Variants in PARN observed in about 807,000 individuals in gnomAD.
The protein encoded by PARN is poly(A)-specific ribonuclease PARN.
Under a neutral mutation model 102.8 loss-of-function variants are expected in PARN, and 71 were observed. The ratio of observed to expected loss-of-function variants is 0.69; its 90% CI spans 0.57 to 0.84. PARN has a LOEUF of 0.84. PARN is among the 40% of genes least tolerant of loss of function. The pLI is 0.00. For synonymous variants in PARN, 261 were observed against 252.9 expected, an observed-to-expected ratio of 1.03 and a Z score of -0.30; for missense variants, 782 against 760.9, an observed-to-expected ratio of 1.03 and a Z score of -0.33.
intron 18 of PARN, among the ~76,000 whole-genome samples, chr16:14,561,778 A>T (rs1042696503): frequency 1.3e-5 from 2 of 152,228 alleles, no homozygotes; most frequent in East Asian, 1.9e-4. Context: ...ACTGCACTCC[A>T]GTCTGGGCAA....
At chr16:14,593,479 C>T (rs922064443) in intron 12 of PARN, 101 bp from the exon 13 acceptor site, 3 of 157,180 alleles carry the variant, frequency 1.9e-5, no homozygotes, top group Non-Finnish European at 2.5e-5. Context: ...GTACTAAACT[C>T]GCTTTCCAGA....
chr16:14,478,450 C>T (rs773625633), intron 22 of PARN, among the ~76,000 whole-genome samples: 1 of 152,082 alleles, frequency 6.6e-6, no homozygotes, highest in Non-Finnish European at 1.5e-5. Context: ...AAGGAACTTC[C>T]TAAACCTGAA....
intron 22 of PARN, among the ~76,000 whole-genome samples, chr16:14,478,224 G>C (rs1277139045): frequency 1.3e-5 from 2 of 152,138 alleles, no homozygotes; most frequent in African/African-American, 4.8e-5. Flanking sequence ...GCTGAGGTGG[G>C]ATGATCCCTT....
chr16:14,505,699 A>G (rs1160686113), intron 21 of PARN, among the ~76,000 whole-genome samples: 1 of 152,228 alleles, frequency 6.6e-6, no homozygotes, highest in Non-Finnish European at 1.5e-5. Context: ...AATAATAATC[A>G]TGATGTAGGT....
At chr16:14,562,608 A>G (rs1968142427) in intron 18 of PARN, among the ~76,000 whole-genome samples, 1 of 152,004 alleles carries the variant, frequency 6.6e-6, no homozygotes, top group Non-Finnish European at 1.5e-5. Context: ...AATTGGGTGA[A>G]ATTACTGCTG....
intron 21 of PARN, among the ~76,000 whole-genome samples, chr16:14,508,430 A>G (rs1965008044): frequency 6.6e-6 from 1 of 152,114 alleles, no homozygotes; most frequent in Non-Finnish European, 1.5e-5. Flanking sequence ...ATAAAAGATA[A>G]AACGTGTAGC....
chr16:14,543,872 T>C (rs1373401443), intron 21 of PARN, among the ~76,000 whole-genome samples: 5 of 152,130 alleles, frequency 3.3e-5, no homozygotes, highest in Admixed American at 2.0e-4. Context: ...ATACTCCAAT[T>C]AAATTTCAGA....
chr16:14,491,019 C>T (rs1964031874), intron 21 of PARN, among the ~76,000 whole-genome samples: 1 of 151,978 alleles, frequency 6.6e-6, no homozygotes, highest in Non-Finnish European at 1.5e-5. Context: ...TGTATTTCCC[C>T]TTAACCCATC....
chr16:14,554,092 C>G lies in PARN; in HGVS notation c.1378G>C (p.Asp460His), dbSNP rs747006604. The G allele has an allele frequency of 6.2e-6, 10 of 1,612,784 alleles. No individual in the cohort carries two copies. The highest frequency in any genetic ancestry group is 4.0e-5 in the African/African-American group (3 of 74,902). ...VTFPKEWKTSDLYQLFSAFGN... is the reference protein window; with the variant it reads ...VTFPKEWKTSHLYQLFSAFGN... Reference sequence around the variant, plus strand: ...AAGGCACTGAAAAGCTGGTAAAGGTCGCTGGTTTTCCATTCTTTGGGGAAT... The same window carrying G: ...AAGGCACTGAAAAGCTGGTAAAGGTGGCTGGTTTTCCATTCTTTGGGGAAT... Residue 460 changes from aspartate (D) to histidine (H), a missense_variant, in exon 20 of 24, where the codon GAC becomes CAC. Asp to His is a moderately conservative substitution (Grantham distance 81, BLOSUM62 -1). Transcript: ENST00000437198.
Position 14,610,633 on chromosome 16 carries a change from T to C in PARN, c.554+11A>G, listed in dbSNP as rs779098305. 5 of 1,569,144 alleles carry C rather than the reference T, an allele frequency of 3.2e-6. No individual in the cohort carries two copies. Among genetic ancestry groups the C allele is most frequent in the South Asian group, 2.2e-5 (2 of 90,098 alleles). On this transcript the variant is annotated intron_variant, in intron 7 of 23. Transcript: ENST00000437198. ...ACACAATGCACGCTTAGTTTTAATTTAGGAACTTACACCACTTGGTCAATA... is the reference window on the plus strand; with the variant it reads ...ACACAATGCACGCTTAGTTTTAATTCAGGAACTTACACCACTTGGTCAATA...
chr16:14,622,516 T>C (rs1029338544), intron 5 of PARN, among the ~76,000 whole-genome samples: 2 of 152,178 alleles, frequency 1.3e-5, no homozygotes, highest in South Asian at 2.1e-4. Flanking sequence ...TCCATATATA[T>C]ATATTTGAGA....
At chr16:14,569,252 C>T (rs905443397) in intron 18 of PARN, among the ~76,000 whole-genome samples, 4 of 151,632 alleles carry the variant, frequency 2.6e-5, no homozygotes, top group East Asian at 1.9e-4. Flanking sequence ...TTTAAAAAAA[C>T]GAAATGAAAT....
In PARN at chr16:14,438,449, G is replaced by GT. The variant is rs1018523381; in HGVS notation, c.1865-1678_1865-1677insA. 2.8e-3 allele frequency among the ~76,000 whole-genome samples: 417 copies of GT among 150,206 alleles called. 9 individuals carry two copies. Among genetic ancestry groups the GT allele is most frequent in the Admixed American group, 5.8e-3 (88 of 15,152 alleles). On this transcript the variant is annotated intron_variant, in intron 23 of 23. Coordinates refer to ENST00000437198, the MANE Select transcript of PARN (RefSeq NM_002582.4). The stretch of plus-strand genomic sequence containing the variant: ...CTGCACCTGCCATTAGTTGGGGGGG[G>GT]GGGTGTGTGAGTGCACAGTGAGCCA...
chr16:14,519,054 C>A (rs1202309141), intron 21 of PARN, among the ~76,000 whole-genome samples: 4 of 151,710 alleles, frequency 2.6e-5, no homozygotes, highest in South Asian at 2.1e-4. Context: ...GGGGTGTGTA[C>A]CATGGGATAA....
At chr16:14,629,364 A>G (rs1413303765) in intron 2 of PARN, among the ~76,000 whole-genome samples, 2 of 152,254 alleles carry the variant, frequency 1.3e-5, no homozygotes, top group African/African-American at 4.8e-5. Context: ...AAGCAGCATC[A>G]AAACCATCAT....
chr16:14,560,905 C>T (rs1968015866), intron 18 of PARN, among the ~76,000 whole-genome samples: 1 of 152,206 alleles, frequency 6.6e-6, no homozygotes, highest in African/African-American at 2.4e-5. Context: ...CCTATAATCC[C>T]AGCAATCTGG....
At chr16:14,440,172 C>T (rs1469403467) in intron 23 of PARN, among the ~76,000 whole-genome samples, 1 of 151,870 alleles carries the variant, frequency 6.6e-6, no homozygotes, top group Non-Finnish European at 1.5e-5. Flanking sequence ...AATAAACAAC[C>T]CTAGAACAAA....
At position 14,547,055 on chromosome 16, in the gene PARN, G is replaced by A. The variant is rs540401624; in HGVS notation, c.1480+4966C>T. On this transcript the variant is annotated intron_variant, in intron 21 of 23. Transcript: ENST00000437198. ...TTGCAGTGAGCCAAGATCGCACAAC[G>A]GCACTTCAGCCTGGGCAACAGAGAG... Among the ~76,000 whole-genome samples, 129 of 151,114 alleles carry A rather than the reference G, an allele frequency of 8.5e-4. No homozygotes were observed. The South Asian group carries it at 0.013, about 15-fold the overall frequency.
chr16:14,567,210 G>A (rs1567393621), intron 18 of PARN, among the ~76,000 whole-genome samples: 2 of 152,176 alleles, frequency 1.3e-5, no homozygotes, highest in Non-Finnish European at 2.9e-5. Flanking sequence ...AAGAAAAAAT[G>A]CATCTTGTAT....
Sources: allele counts gnomAD v4.1 joint callset (sites outside exome capture counted in the v4.1 genomes callset), GRCh38; gene constraint gnomAD v4.1.1; transcripts MANE v1.5; gene names NCBI Gene and HGNC (gene_info 2026-07-23, HGNC 2026-07-21).